Variants in IQCM observed in about 807,000 individuals in gnomAD.
IQCM encodes IQ domain-containing protein M.
In IQCM, 45 loss-of-function variants were observed where a neutral mutation model predicts 57.6. The observed-to-expected ratio is 0.78, with a 90% CI of 0.62 to 1.00. The LOEUF (loss-of-function observed/expected upper bound fraction) is 1.00. Ranked by LOEUF, IQCM falls within the 50% of genes least tolerant of loss-of-function variation. IQCM has a pLI of 0.00. For missense variants in IQCM, 468 were observed against 511.6 expected, an observed-to-expected ratio of 0.91 and a Z score of 0.82; for synonymous variants, 148 against 158.9, an observed-to-expected ratio of 0.93 and a Z score of 0.51.
At chr4:149,538,662 A>AGTTATGCCC (rs1269781426) in intron 12 of IQCM, among the ~76,000 whole-genome samples, 17 of 152,132 alleles carry the variant, frequency 1.1e-4, no homozygotes, top group African/African-American at 3.8e-4. Flanking sequence ...AATAGGCTGA[A>AGTTATGCCC]AGAAAATAAA....
At chr4:149,735,480 AT>A (rs1297497818) in intron 3 of IQCM, 22 bp from the exon 4 acceptor site, 10 of 1,078,058 alleles carry the variant, frequency 9.3e-6, no homozygotes, top group Non-Finnish European at 1.1e-5. Context: ...ACAGAGAAAC[AT>A]TTTTTAAGCA....
At chr4:149,610,393 C>T (rs557401440) in intron 8 of IQCM, among the ~76,000 whole-genome samples, 2 of 152,034 alleles carry the variant, frequency 1.3e-5, no homozygotes, top group South Asian at 4.1e-4. Flanking sequence ...TTATATGGAA[C>T]TGCAAAAGAC....
chr4:149,384,648 C>T (rs760582722), intron 13 of IQCM, among the ~76,000 whole-genome samples: 19 of 152,112 alleles, frequency 1.2e-4, no homozygotes, highest in Admixed American at 2.6e-4. Flanking sequence ...GGTCTAACTA[C>T]CTCTTAGGGA....
chr4:149,528,622 G>T (rs1247939895), intron 12 of IQCM, among the ~76,000 whole-genome samples: 1 of 152,154 alleles, frequency 6.6e-6, no homozygotes, highest in Admixed American at 6.5e-5. Context: ...GAAAGAATAA[G>T]CCTGAGGAAT....
At chr4:149,807,502 C>G (rs1202292225) in intron 2 of IQCM, among the ~76,000 whole-genome samples, 1 of 151,942 alleles carries the variant, frequency 6.6e-6, no homozygotes, top group African/African-American at 2.4e-5. Context: ...GGAAATGCTA[C>G]AGGACATCAG....
At chr4:149,529,229 A>G (rs922001038) in intron 12 of IQCM, among the ~76,000 whole-genome samples, 3 of 152,024 alleles carry the variant, frequency 2.0e-5, no homozygotes, top group East Asian at 1.9e-4. Flanking sequence ...ACAGCCAGCT[A>G]ATTTTTGTAT....
At chr4:149,449,726 G>T (rs537808268) in intron 12 of IQCM, among the ~76,000 whole-genome samples, 83 of 151,552 alleles carry the variant, frequency 5.5e-4, no homozygotes, top group African/African-American at 1.8e-3. Flanking sequence ...AAAAAAGGAA[G>T]ATATTTCATG....
At chr4:149,511,802 T>A (rs1391279249) in intron 12 of IQCM, among the ~76,000 whole-genome samples, 1 of 152,178 alleles carries the variant, frequency 6.6e-6, no homozygotes, top group African/African-American at 2.4e-5. Context: ...TAATGTGTAC[T>A]GAGTAAATAT....
Position 149,576,774 on chromosome 4 carries a change from C to A in IQCM, c.749+11156G>T, listed in dbSNP as rs901423243. 2.6e-5 allele frequency among the ~76,000 whole-genome samples: 4 copies of A among 151,832 alleles called. No individual in the cohort carries two copies. In the East Asian group the frequency reaches 5.8e-4, roughly 22 times the overall value. On this transcript the variant is annotated intron_variant, in intron 9 of 13. Coordinates refer to ENST00000636793, the MANE Select transcript of IQCM (RefSeq NM_001363507.2). ...GGGTATGTACCCAGTAATGGGATTGCTACATTGAATGATAGTTTAAGTTCT... is the reference window on the plus strand; with the variant it reads ...GGGTATGTACCCAGTAATGGGATTGATACATTGAATGATAGTTTAAGTTCT...
At chr4:149,650,375 C>T (rs1759051009) in intron 7 of IQCM, among the ~76,000 whole-genome samples, 1 of 151,342 alleles carries the variant, frequency 6.6e-6, no homozygotes, top group Non-Finnish European at 1.5e-5. Flanking sequence ...CATGGCCCTT[C>T]CAACACCTTT....
chr4:149,774,098 G>A (rs1346261076), intron 2 of IQCM, among the ~76,000 whole-genome samples: 1 of 152,018 alleles, frequency 6.6e-6, no homozygotes, highest in African/African-American at 2.4e-5. Flanking sequence ...AAAATCGTCT[G>A]TTAAAATCTC....
chr4:149,791,788 T>G (rs576609252), intron 2 of IQCM, among the ~76,000 whole-genome samples: 1 of 152,272 alleles, frequency 6.6e-6, no homozygotes, highest in African/African-American at 2.4e-5. Flanking sequence ...AGGATAAGCA[T>G]CAAAGCTTCA....
chr4:149,726,644 G>C (rs192749749), intron 5 of IQCM, among the ~76,000 whole-genome samples: 2 of 152,018 alleles, frequency 1.3e-5, no homozygotes. Flanking sequence ...CAATATGATA[G>C]CCAATTACCA....
At chr4:149,724,750 T>C (rs955806488) in intron 5 of IQCM, among the ~76,000 whole-genome samples, 1 of 152,040 alleles carries the variant, frequency 6.6e-6, no homozygotes, top group Admixed American at 6.6e-5. Context: ...TAGACGTAAA[T>C]ATTTTTAATT....
intron 7 of IQCM, among the ~76,000 whole-genome samples, chr4:149,630,749 G>T (rs1287212954): frequency 6.6e-6 from 1 of 152,044 alleles, no homozygotes; most frequent in Non-Finnish European, 1.5e-5. Flanking sequence ...CATATTTTTT[G>T]TAATACCAAT....
chr4:149,573,463 A>C (rs1374222859), intron 9 of IQCM, among the ~76,000 whole-genome samples: 1 of 151,916 alleles, frequency 6.6e-6, no homozygotes, highest in Non-Finnish European at 1.5e-5. Context: ...TAGGTTGTAA[A>C]GAAAAATGAT....
intron 8 of IQCM, among the ~76,000 whole-genome samples, chr4:149,593,222 T>C (rs1249291048): frequency 6.6e-6 from 1 of 152,104 alleles, no homozygotes; most frequent in African/African-American, 2.4e-5. Context: ...GAAGCAATTG[T>C]GAATGGGAGT....
At chr4:149,450,022 T>C (rs979442096) in intron 12 of IQCM, among the ~76,000 whole-genome samples, 4 of 151,726 alleles carry the variant, frequency 2.6e-5, no homozygotes, top group Non-Finnish European at 5.9e-5. Flanking sequence ...CATAGACCAA[T>C]GGAACAGAAA....
chr4:149,789,123 A>G (rs1772341697), intron 2 of IQCM, among the ~76,000 whole-genome samples: 1 of 152,206 alleles, frequency 6.6e-6, no homozygotes. Flanking sequence ...AATGTATGGT[A>G]TATTTCAAAA....
Sources: gnomAD v4.1 joint callset for allele counts (sites outside exome capture counted in the v4.1 genomes callset) on GRCh38, gnomAD v4.1.1 for gene constraint, MANE v1.5 for transcripts, NCBI Gene and HGNC (gene_info 2026-07-23, HGNC 2026-07-21) for gene names.